KCNC1: variants seen among roughly 807,000 people sequenced by gnomAD.
The protein encoded by KCNC1 is potassium voltage-gated channel subfamily C member 1, also known as voltage-gated potassium channel KCNC1.
A neutral mutation model predicts 43.4 loss-of-function variants in KCNC1; 8 were observed. The ratio of observed to expected loss-of-function variants is 0.18; its 90% confidence interval spans 0.11 to 0.33. The LOEUF is 0.33. KCNC1 is among the 10% of genes least tolerant of loss of function. The probability of loss-of-function intolerance (pLI) is 1.00; values close to 1 mark genes in which losing one functional copy is unlikely to be tolerated. For missense variants in KCNC1, 420 were observed against 836.0 expected, an observed-to-expected ratio of 0.50 and a Z score of 6.14; for synonymous variants, 361 against 360.5, an observed-to-expected ratio of 1.00 and a Z score of -0.01.
At chr11:17,738,425 C>G (rs980932248) in intron 1 of KCNC1, among the ~76,000 whole-genome samples, 1 of 152,208 alleles carries the variant, frequency 6.6e-6, no homozygotes, top group East Asian at 1.9e-4. Flanking sequence ...TCAGCCCACA[C>G]TTGACCTTGG....
At chr11:17,754,430 C>A (rs890515547) in intron 1 of KCNC1, among the ~76,000 whole-genome samples, 1 of 152,176 alleles carries the variant, frequency 6.6e-6, no homozygotes, top group Admixed American at 6.5e-5. Context: ...CCAGGGTAGA[C>A]GCAGATGTGG....
intron 2 of KCNC1, chr11:17,774,543 G>A: frequency 2.0e-6 from 2 of 985,646 alleles, no homozygotes; most frequent in South Asian, 4.7e-5. Flanking sequence ...GTGCAGATGT[G>A]TTTGTTCAGA....
intron 1 of KCNC1, among the ~76,000 whole-genome samples, chr11:17,743,538 TC>T (rs1011796792): frequency 1.3e-5 from 2 of 151,996 alleles, no homozygotes; most frequent in African/African-American, 2.4e-5. Context: ...GCCTCAATTG[TC>T]CCCCCACTCC....
intron 2 of KCNC1, chr11:17,774,223 A>G (rs1849261437): frequency 1.0e-6 from 1 of 985,304 alleles, no homozygotes; most frequent in Admixed American, 6.1e-5. Context: ...TGGATTAGCT[A>G]GTTACTTGAT....
chr11:17,756,928 G>A (rs1849028956), intron 1 of KCNC1, among the ~76,000 whole-genome samples: 1 of 152,210 alleles, frequency 6.6e-6, no homozygotes, highest in Non-Finnish European at 1.5e-5. Flanking sequence ...GAGTCAGAGA[G>A]ACCTGGTTTC....
rs915258698 is a variant in KCNC1, at chr11:17,782,813, T to A, written c.*1079T>A. ...CACACTTCTGCATCTCGAATAAATA[T>A]AGTATTTTCCCAACAGAAACAGAGG... On this transcript the variant is annotated 3_prime_UTR_variant, in exon 4 of 4. Coordinates refer to ENST00000265969, the MANE Select transcript of KCNC1 (RefSeq NM_001112741.2). 1.3e-5 allele frequency: 2 copies of A among 151,936 alleles called. No individual in the cohort carries two copies. Among genetic ancestry groups the A allele is most frequent in the Non-Finnish European group, 2.9e-5 (2 of 68,000 alleles). 9.4% of individuals were successfully genotyped at this position (151,936 alleles called of 1,614,324 possible). A position where few individuals can be genotyped will look rare whatever the true frequency, so the allele number is the denominator to read the frequency against.
intron 1 of KCNC1, among the ~76,000 whole-genome samples, chr11:17,738,794 C>T (rs1848799720): frequency 6.6e-6 from 1 of 152,192 alleles, no homozygotes; most frequent in African/African-American, 2.4e-5. Flanking sequence ...AAAAGCTGGG[C>T]GCCCGGTGGT....
At chr11:17,775,631 C>G in intron 2 of KCNC1, 1 of 985,734 alleles carries the variant, frequency 1.0e-6, no homozygotes, top group East Asian at 1.1e-4. Context: ...CCACTCTGGA[C>G]AGCCCACAAT....
rs763235319 is a variant in KCNC1, at chr11:17,735,978, G to A, written c.-25G>A. ...CCGCTCCCATGGGTGTCGCTGGGCCGCGCCATGCCTAAGGGGGCGCCGCGA... is the reference window on the plus strand; with the variant it reads ...CCGCTCCCATGGGTGTCGCTGGGCCACGCCATGCCTAAGGGGGCGCCGCGA... On this transcript the variant is annotated 5_prime_UTR_variant, in exon 1 of 4. Transcript: ENST00000265969. The surrounding 1 kb of genome is among the most constrained non-coding windows in gnomAD (Gnocchi z 6.7). 1 of 1,411,576 alleles carries A rather than the reference G, an allele frequency of 7.1e-7. No homozygotes were observed. The highest frequency in any genetic ancestry group is 1.5e-5 in the South Asian group (1 of 64,846). The allele number at this position is 1,411,576 out of a possible 1,614,324, so 87.4% of individuals were successfully genotyped here.
rs759773311 is a variant in KCNC1 at position 17,736,435 on chromosome 11, G to C, written c.433G>C (p.Gly145Arg). Residue 145 changes from glycine (G) to arginine (R), a missense_variant, in exon 1 of 4, where the codon GGC becomes CGC. Gly to Arg is a moderately radical substitution (Grantham distance 125, BLOSUM62 -2). Around this residue, in one of 5 missense-constraint regions of KCNC1, gnomAD observed 151 missense variants for 216.7 expected, o/e 0.70. Coordinates refer to ENST00000265969, the MANE Select transcript of KCNC1 (RefSeq NM_001112741.2). This position sits in a 1 kb window ranked among gnomAD's most constrained non-coding sequence, Gnocchi z 9.3. ...CGACGGCCCTGGCGACTCGGGCGAC[G>C]GCGAGGACGAGCTGGAGATGACCAA... Reference protein sequence around the residue: ...DADGPGDSGDGEDELEMTKRL... With the variant: ...DADGPGDSGDREDELEMTKRL... The C allele has an allele frequency of 3.7e-6, 6 of 1,606,194 alleles. No individual in the cohort carries two copies. The African/African-American group carries it at 8.0e-5, about 21-fold the overall frequency.
At chr11:17,766,315 A>G (rs1288376103) in intron 1 of KCNC1, among the ~76,000 whole-genome samples, 2 of 152,142 alleles carry the variant, frequency 1.3e-5, no homozygotes, top group African/African-American at 4.8e-5. Context: ...TTTGTGTGCC[A>G]TGTGCACAGT....
In KCNC1 at chr11:17,735,949, G is replaced by C; in HGVS notation, c.-54G>C. The C allele has an allele frequency of 7.2e-7, 1 of 1,380,682 alleles. No homozygotes were observed. The highest frequency in any genetic ancestry group is 9.3e-7 in the Non-Finnish European group (1 of 1,075,660). 85.5% of individuals were successfully genotyped at this position (1,380,682 alleles called of 1,614,324 possible). A position where few individuals can be genotyped will look rare whatever the true frequency, so the allele number is the denominator to read the frequency against. On this transcript the variant is annotated 5_prime_UTR_variant, in exon 1 of 4. Transcript: ENST00000265969. This position sits in a 1 kb window ranked among gnomAD's most constrained non-coding sequence, Gnocchi z 6.7. ...CCCTCCCCGGCGCCAACTCCCCCTG[G>C]CGGCCGCTCCCATGGGTGTCGCTGG...
In KCNC1 at chr11:17,779,650, T is replaced by G. The variant is rs1291672563; in HGVS notation, c.1693+6T>G. 1 of 1,526,556 alleles carries G rather than the reference T, an allele frequency of 6.6e-7. No homozygotes were observed. Among genetic ancestry groups the G allele is most frequent in the Non-Finnish European group, 8.8e-7 (1 of 1,133,280 alleles). 94.6% of individuals were successfully genotyped at this position (1,526,556 alleles called of 1,614,324 possible). On this transcript the variant is annotated splice_donor_region_variant and intron_variant, in intron 3 of 3. Coordinates refer to ENST00000265969, the MANE Select transcript of KCNC1 (RefSeq NM_001112741.2). The surrounding 1 kb of genome is among the most constrained non-coding windows in gnomAD (Gnocchi z 7.2). ...TGGTGGAGGAATGAGAAAGGGTATG[T>G]AGAGGAAGCTGGAGCACCGTGCATC...
chr11:17,775,814 C>T lies in KCNC1; in HGVS notation c.1504+3216C>T, dbSNP rs910624686. The T allele has an allele frequency of 1.3e-5, 13 of 985,578 alleles. No homozygotes were observed. The South Asian group carries it at 3.8e-4, about 28-fold the overall frequency. 61.1% of individuals were successfully genotyped at this position (985,578 alleles called of 1,614,324 possible). On this transcript the variant is annotated intron_variant, in intron 2 of 3. Transcript: ENST00000265969. Reference sequence around the variant, plus strand: ...CCGGGCTCCCTTCCTGCCCATGGCACCTAGAACAGCAGTGAGGTCTCAGAG... The same window carrying T: ...CCGGGCTCCCTTCCTGCCCATGGCATCTAGAACAGCAGTGAGGTCTCAGAG...
At chr11:17,756,523 ACAC>A (rs1849024277) in intron 1 of KCNC1, among the ~76,000 whole-genome samples, 1 of 11,404 alleles carries the variant, frequency 8.8e-5, no homozygotes, top group East Asian at 9.8e-3. Context: ...CCCTCCAAAC[ACAC>A]ACACACACAC....
At chr11:17,761,006 C>G (rs1278702413) in intron 1 of KCNC1, among the ~76,000 whole-genome samples, 1 of 152,204 alleles carries the variant, frequency 6.6e-6, no homozygotes, top group African/African-American at 2.4e-5. Context: ...CATCGTGCGA[C>G]CTTGGGTGTC....
intron 1 of KCNC1, among the ~76,000 whole-genome samples, chr11:17,747,765 C>G (rs1009198558): frequency 6.6e-6 from 1 of 152,200 alleles, no homozygotes; most frequent in Non-Finnish European, 1.5e-5. Context: ...GAAGCTTTCT[C>G]TCAAGCCTCT....
At chr11:17,767,657 G>T (rs1363902097) in intron 1 of KCNC1, among the ~76,000 whole-genome samples, 11 of 152,246 alleles carry the variant, frequency 7.2e-5, no homozygotes, top group African/African-American at 2.7e-4. Flanking sequence ...AGCACTCTAA[G>T]CGTCCCTTGG....
At chr11:17,745,630 C>G (rs926965471) in intron 1 of KCNC1, among the ~76,000 whole-genome samples, 2 of 152,122 alleles carry the variant, frequency 1.3e-5, no homozygotes, top group Non-Finnish European at 2.9e-5. Context: ...CTTGAGTGCC[C>G]CACACCCAGC....
Sources: gnomAD v4.1 joint callset for allele counts (sites outside exome capture counted in the v4.1 genomes callset) on GRCh38, gnomAD v4.1.1 for gene constraint, gnomAD v4.1.1 regional missense constraint, Gnocchi (gnomAD v3.1) non-coding constraint, MANE v1.5 for transcripts, NCBI Gene and HGNC (gene_info 2026-07-23, HGNC 2026-07-21) for gene names.